The following FABP6 variants were observed in gnomAD, a reference collection of about 807,000 sequenced individuals.
FABP6 encodes the protein fatty acid binding protein 6.
Under a neutral mutation model 14.9 loss-of-function variants are expected in FABP6, and 13 were observed. The observed-to-expected ratio is 0.87, with a 90% confidence interval of 0.57 to 1.39. The LOEUF is 1.39. Among genes scored for constraint, FABP6 ranks in the 40% most tolerant of loss-of-function variants. The pLI is 0.00. For missense variants in FABP6, 161 were observed against 167.2 expected (o/e 0.96, Z 0.20); for synonymous variants, 75 against 63.6 (o/e 1.18, Z -0.85).
At chr5:160,205,309 C>G (rs1759738313) in intron 2 of FABP6, among the ~76,000 whole-genome samples, 1 of 103,790 alleles carries the variant, frequency 9.6e-6, no homozygotes, top group African/African-American at 3.7e-5. Flanking sequence ...CAGAGCAAGA[C>G]TTCATCTCAA....
At position 160,204,399 on chromosome 5, in the gene FABP6, G is replaced by A. The variant is rs375579478; in HGVS notation, c.51+5242G>A. 1.2e-4 allele frequency among the ~76,000 whole-genome samples: 18 copies of A among 152,094 alleles called. No individual in the cohort carries two copies. The East Asian group carries it at 2.1e-3, about 18-fold the overall frequency. On this transcript the variant is annotated intron_variant, in intron 2 of 6. Transcript: ENST00000393980. ...CTATGGAGATGGAGTGAAATTCCAC[G>A]AAGGGCACACAATGAGTGATGCATG...
At chr5:160,188,093 A>C (rs1759323539) in intron 1 of FABP6, among the ~76,000 whole-genome samples, 1 of 151,932 alleles carries the variant, frequency 6.6e-6, no homozygotes, top group Non-Finnish European at 1.5e-5. Flanking sequence ...AAGAGAGGGA[A>C]TCTCCTGAAT....
At chr5:160,226,610 C>T (rs1760253586), upstream of FABP6, among the ~76,000 whole-genome samples, 1 of 151,714 alleles carries the variant, frequency 6.6e-6, no homozygotes, top group South Asian at 2.1e-4. Flanking sequence ...GTCAAGGTAA[C>T]ACTTCACTGA....
At chr5:160,216,268 T>G (rs1760010780) in intron 3 of FABP6, among the ~76,000 whole-genome samples, 1 of 143,548 alleles carries the variant, frequency 7.0e-6, no homozygotes, top group Non-Finnish European at 1.5e-5. Context: ...GTTCTCATTG[T>G]AATTTTTTTT....
chr5:160,237,167 C>T (rs149833605), intron 3 of FABP6, among the ~76,000 whole-genome samples: 35 of 152,114 alleles, frequency 2.3e-4, no homozygotes, highest in African/African-American at 8.4e-4. Context: ...AGCAAAGCTC[C>T]CCAGCCTGTG....
intron 3 of FABP6, among the ~76,000 whole-genome samples, chr5:160,214,339 A>G (rs777102621): frequency 4.0e-5 from 6 of 150,964 alleles, no homozygotes; most frequent in South Asian, 2.1e-4. Flanking sequence ...AATTTTTTAA[A>G]TTTTTTGTAG....
intron 3 of FABP6, among the ~76,000 whole-genome samples, chr5:160,215,527 A>G (rs113426544): frequency 0.21 from 31,523 of 151,282 alleles, 3,415 homozygotes; most frequent in South Asian, 0.25. Flanking sequence ...GAAAAAAAAA[A>G]AAAAGGTGAC....
chr5:160,190,964 A>AG (rs1246334125), intron 1 of FABP6, among the ~76,000 whole-genome samples: 1 of 150,960 alleles, frequency 6.6e-6, no homozygotes, highest in Non-Finnish European at 1.5e-5. Flanking sequence ...TGAAAAAAAA[A>AG]AAATTAGCCA....
intron 1 of FABP6, among the ~76,000 whole-genome samples, chr5:160,231,772 G>A (rs1760387537): frequency 6.6e-6 from 1 of 152,094 alleles, no homozygotes; most frequent in Admixed American, 6.6e-5. Context: ...CAGAAGCTTG[G>A]TTATTATTGA....
At chr5:160,222,696 A>T (rs944230640) in intron 3 of FABP6, among the ~76,000 whole-genome samples, 2 of 152,204 alleles carry the variant, frequency 1.3e-5, no homozygotes, top group Admixed American at 6.5e-5. Context: ...CCTTTTTATT[A>T]TAAAAGTTGT....
chr5:160,222,097 T>TTC (rs1296693026), intron 3 of FABP6, among the ~76,000 whole-genome samples: 9 of 128,054 alleles, frequency 7.0e-5, no homozygotes, highest in Non-Finnish European at 8.4e-5. Context: ...TTTCTTTTCT[T>TTC]TTTTTTTTTT....
At chr5:160,223,308 C>T (rs1210562866) in intron 3 of FABP6, among the ~76,000 whole-genome samples, 1 of 138,558 alleles carries the variant, frequency 7.2e-6, no homozygotes, top group Admixed American at 7.2e-5. Flanking sequence ...AAATTCCACT[C>T]ATATAAGAGT....
intron 1 of FABP6, among the ~76,000 whole-genome samples, chr5:160,191,702 C>G (rs1759397783): frequency 6.6e-6 from 1 of 151,360 alleles, no homozygotes; most frequent in African/African-American, 2.4e-5. Flanking sequence ...TGGCTCACGC[C>G]TGTAATCCCA....
upstream of FABP6, among the ~76,000 whole-genome samples, chr5:160,225,915 T>C (rs545760305): frequency 1.1e-3 from 162 of 152,274 alleles, no homozygotes; most frequent in African/African-American, 3.7e-3. Flanking sequence ...GGCTCACACC[T>C]GTAATACCCG....
chr5:160,211,178 C>G (rs1390139450), intron 2 of FABP6, among the ~76,000 whole-genome samples: 1 of 152,172 alleles, frequency 6.6e-6, no homozygotes, highest in African/African-American at 2.4e-5. Context: ...TCTTGCCTGC[C>G]CAGTATCCTT....
Position 160,229,596 on chromosome 5 carries a change from G to C in FABP6, c.39G>C (p.Lys13Asn). 1 of 1,613,978 alleles carries C rather than the reference G, an allele frequency of 6.2e-7. No homozygotes were observed. The highest frequency in any genetic ancestry group is 8.5e-7 in the Non-Finnish European group (1 of 1,179,938). Residue 13 changes from lysine (K) to asparagine (N), a missense_variant, in exon 1 of 4, where the codon AAG (lysine) becomes AAC (asparagine). Lys to Asn is a moderately conservative substitution (Grantham distance 94). Transcript: ENST00000402432. The part of the protein sequence containing the change: ...FTGKFEMESE[K>N]NYDEFMKLLG... ...GCAAGTTCGAGATGGAGAGTGAGAA[G>C]AATTATGATGAGTTCATGAAGCTCC...
chr5:160,222,625 T>C (rs1272966216), intron 3 of FABP6, among the ~76,000 whole-genome samples: 2 of 152,200 alleles, frequency 1.3e-5, no homozygotes, highest in Non-Finnish European at 2.9e-5. Flanking sequence ...TGAGCCACCA[T>C]GCCCGGCCAC....
At chr5:160,198,940 T>G (rs1371532701) in intron 1 of FABP6, 2 of 675,796 alleles carry the variant, frequency 3.0e-6, no homozygotes, top group Non-Finnish European at 5.1e-6. Context: ...GGCCCATGTG[T>G]CTGGCACACA....
At chr5:160,204,643 C>A (rs1400367061) in intron 2 of FABP6, 1 of 152,196 alleles carries the variant, frequency 6.6e-6, no homozygotes, top group Non-Finnish European at 1.5e-5. Flanking sequence ...GCGCCCGCCA[C>A]CAAGCCCGAC....
Sources: gnomAD v4.1 joint callset for allele counts (sites outside exome capture counted in the v4.1 genomes callset) on GRCh38, gnomAD v4.1.1 for gene constraint, MANE v1.5 for transcripts, NCBI Gene and HGNC (gene_info 2026-07-23, HGNC 2026-07-21) for gene names.